The following CDK14 variants were observed in gnomAD, a reference collection of about 807,000 sequenced individuals.
CDK14 encodes cyclin-dependent kinase 14.
In CDK14, 34 loss-of-function variants were observed where a neutral mutation model predicts 60.7. That is an observed-to-expected ratio of 0.56 (90% CI 0.43 to 0.75). CDK14 has a LOEUF of 0.75. Ranked by LOEUF, CDK14 falls within the 30% of genes least tolerant of loss-of-function variation. The pLI is 0.00. For synonymous variants in CDK14, 197 were observed against 203.7 expected, an observed-to-expected ratio of 0.97 and a Z score of 0.28; for missense variants, 482 against 564.1, an observed-to-expected ratio of 0.85 and a Z score of 1.47.
At chr7:91,174,342 C>A (rs1801647985) in intron 14 of CDK14, among the ~76,000 whole-genome samples, 1 of 151,206 alleles carries the variant, frequency 6.6e-6, no homozygotes, top group South Asian at 2.1e-4. Flanking sequence ...GTAGATAAAA[C>A]CACAAAGATG....
At chr7:91,099,331 T>C (rs543647241) in intron 12 of CDK14, among the ~76,000 whole-genome samples, 24 of 152,284 alleles carry the variant, frequency 1.6e-4, no homozygotes, top group Admixed American at 1.2e-3. Flanking sequence ...AATTTTTACA[T>C]AGACTGAATT....
intron 2 of CDK14, among the ~76,000 whole-genome samples, chr7:90,615,185 G>T (rs7793559): frequency 1.3e-5 from 2 of 152,286 alleles, no homozygotes; most frequent in East Asian, 3.9e-4. Flanking sequence ...TAGAAAAAAA[G>T]TTTTCAATAT....
chr7:91,086,409 C>G (rs1404356545), intron 12 of CDK14, among the ~76,000 whole-genome samples: 4 of 152,136 alleles, frequency 2.6e-5, no homozygotes, highest in African/African-American at 7.2e-5. Flanking sequence ...TGTGTTGTCT[C>G]TCTCTCTTTT....
chr7:91,010,531 T>A (rs1562867081), intron 10 of CDK14, among the ~76,000 whole-genome samples: 1 of 152,114 alleles, frequency 6.6e-6, no homozygotes, highest in Non-Finnish European at 1.5e-5. Flanking sequence ...TATTTTTGTT[T>A]AGAATTCTAA....
intron 10 of CDK14, among the ~76,000 whole-genome samples, chr7:90,999,497 G>A (rs1415750138): frequency 6.6e-6 from 1 of 152,036 alleles, no homozygotes; most frequent in African/African-American, 2.4e-5. Context: ...GCTGAGGCAG[G>A]AGAATCACTT....
chr7:90,626,431 T>G (rs1276963570), intron 2 of CDK14, among the ~76,000 whole-genome samples: 1 of 152,222 alleles, frequency 6.6e-6, no homozygotes, highest in African/African-American at 2.4e-5. Context: ...GCCAAGCACC[T>G]CTTTTTGTTT....
chr7:90,700,179 C>T (rs1172537746), intron 2 of CDK14, among the ~76,000 whole-genome samples: 4 of 152,118 alleles, frequency 2.6e-5, no homozygotes, highest in Admixed American at 2.0e-4. Context: ...CTGCCACCAC[C>T]GACTCCCTGG....
intron 2 of CDK14, among the ~76,000 whole-genome samples, chr7:90,689,486 A>T (rs10246467): frequency 0.58 from 88,116 of 151,842 alleles, 25,798 homozygotes; most frequent in East Asian, 0.77. Context: ...GGCATGAATG[A>T]ATGAAAATGA....
At chr7:90,846,753 A>G (rs1473925842) in intron 5 of CDK14, among the ~76,000 whole-genome samples, 1 of 152,076 alleles carries the variant, frequency 6.6e-6, no homozygotes, top group African/African-American at 2.4e-5. Flanking sequence ...CGGTTTTATG[A>G]GGTAATTCAC....
intron 12 of CDK14, among the ~76,000 whole-genome samples, chr7:91,098,207 A>C (rs527838021): frequency 5.4e-4 from 83 of 152,368 alleles, no homozygotes; most frequent in African/African-American, 2.0e-3. Context: ...CTGAAATTAG[A>C]GTGCCCAGCA....
At chr7:91,024,650 CAAAAAT>C (rs977844743) in intron 10 of CDK14, among the ~76,000 whole-genome samples, 2 of 152,134 alleles carry the variant, frequency 1.3e-5, no homozygotes, top group Non-Finnish European at 2.9e-5. Context: ...GACTCTGTCT[CAAAAAT>C]AAATAACTAA....
chr7:90,630,384 A>G (rs370809920), intron 2 of CDK14, among the ~76,000 whole-genome samples: 8 of 152,306 alleles, frequency 5.3e-5, no homozygotes, highest in African/African-American at 1.9e-4. Context: ...CACAATGGTA[A>G]GTACTTGTGT....
chr7:90,672,932 G>C (rs920907201), intron 2 of CDK14, among the ~76,000 whole-genome samples: 3 of 152,086 alleles, frequency 2.0e-5, no homozygotes, highest in African/African-American at 7.2e-5. Flanking sequence ...TATTACAGAG[G>C]AATAGGTCAG....
At chr7:90,706,095 A>G (rs1445087987) in intron 2 of CDK14, among the ~76,000 whole-genome samples, 1 of 152,106 alleles carries the variant, frequency 6.6e-6, no homozygotes, top group Non-Finnish European at 1.5e-5. Context: ...TGTTTTTACA[A>G]GCCTTTTTGT....
At chr7:90,786,194 A>T (rs1335479022) in intron 4 of CDK14, among the ~76,000 whole-genome samples, 1 of 152,246 alleles carries the variant, frequency 6.6e-6, no homozygotes, top group East Asian at 1.9e-4. Context: ...TATACAGCTT[A>T]AAGCAACTAC....
chr7:90,604,043 T>G (rs937204518), intron 1 of CDK14, among the ~76,000 whole-genome samples, 175 bp from the exon 2 acceptor site: 11 of 152,256 alleles, frequency 7.2e-5, no homozygotes, highest in Admixed American at 6.5e-4. Flanking sequence ...GCTGTGCAAT[T>G]CTCTTTCATT....
At chr7:90,847,193 A>C (rs1422146441) in intron 5 of CDK14, among the ~76,000 whole-genome samples, 1 of 152,204 alleles carries the variant, frequency 6.6e-6, no homozygotes, top group Non-Finnish European at 1.5e-5. Flanking sequence ...AATTTTGCTT[A>C]TATTCCAGAA....
chr7:91,139,694 C>T (rs1357300279), intron 14 of CDK14, among the ~76,000 whole-genome samples: 1 of 152,192 alleles, frequency 6.6e-6, no homozygotes, highest in Non-Finnish European at 1.5e-5. Flanking sequence ...CAGTAGCCTC[C>T]AGGACCATAG....
chr7:90,947,027 C>A (rs979663533), intron 8 of CDK14, among the ~76,000 whole-genome samples: 2 of 152,152 alleles, frequency 1.3e-5, no homozygotes, highest in African/African-American at 4.8e-5. Context: ...GCAACCAGAC[C>A]CTAGCTTGAA....
Sources: allele counts gnomAD v4.1 joint callset (sites outside exome capture counted in the v4.1 genomes callset), GRCh38; gene constraint gnomAD v4.1.1; transcripts MANE v1.5; gene names NCBI Gene and HGNC (gene_info 2026-07-23, HGNC 2026-07-21).